The following MRTFA variants were observed in gnomAD, a reference collection of about 807,000 sequenced individuals.
MRTFA encodes the protein myocardin related transcription factor A, also known as myocardin-related transcription factor A.
MRTFA carries 20 observed loss-of-function variants against 83.5 expected under a neutral mutation model. The ratio of observed to expected loss-of-function variants is 0.24; its 90% CI spans 0.17 to 0.35. MRTFA has a LOEUF of 0.35. MRTFA is among the 10% of genes least tolerant of loss of function. The pLI is 1.00. For missense variants in MRTFA, 1,200 were observed against 1,224.7 expected (o/e 0.98, Z 0.30); for synonymous variants, 659 against 541.2 (o/e 1.22, Z -3.02).
In MRTFA at chr22:40,421,084, G is replaced by A. The variant is rs148143612; in HGVS notation, c.944C>T (p.Ser315Phe). The A allele has an allele frequency of 5.2e-6, 8 of 1,534,294 alleles. No individual in the cohort carries two copies. In the African/African-American group the frequency reaches 6.9e-5, roughly 13 times the overall value. Residue 315 changes from serine (S) to phenylalanine (F), a missense_variant, in exon 10 of 15, where the codon TCT (serine) becomes TTT (phenylalanine). Around this residue, in one of 2 missense-constraint regions of MRTFA, gnomAD observed 1,107 missense variants for 1,041.8 expected, o/e 1.06. Transcript: ENST00000355630. ...GCTGCGCTGTGACTTCTCACTGGCA[G>A]ACTTGGGTTGGCTTTGCTGAGGGCA...
At chr22:40,492,302 T>G (rs1294131253) in intron 3 of MRTFA, among the ~76,000 whole-genome samples, 1 of 152,186 alleles carries the variant, frequency 6.6e-6, no homozygotes, top group Non-Finnish European at 1.5e-5. Context: ...CAAGTTTACT[T>G]AGGGAGTGGG....
intron 1 of MRTFA, among the ~76,000 whole-genome samples, chr22:40,612,752 A>C (rs189717336): frequency 7.2e-5 from 11 of 152,314 alleles, no homozygotes; most frequent in African/African-American, 2.4e-4. Context: ...GTTTGATACC[A>C]GCCCGGACAA....
intron 1 of MRTFA, among the ~76,000 whole-genome samples, chr22:40,629,775 C>CA (rs766356425): frequency 0.049 from 1,861 of 37,932 alleles, 34 homozygotes; most frequent in African/African-American, 0.083. Context: ...GATTCCATCT[C>CA]AAAAAAAAAA....
intron 3 of MRTFA, among the ~76,000 whole-genome samples, chr22:40,547,317 C>A (rs1254963012): frequency 6.6e-6 from 1 of 151,320 alleles, no homozygotes; most frequent in African/African-American, 2.4e-5. Context: ...CACACATATA[C>A]ACACACACAC....
At chr22:40,465,160 A>G (rs1309891632) in intron 3 of MRTFA, among the ~76,000 whole-genome samples, 2 of 152,130 alleles carry the variant, frequency 1.3e-5, no homozygotes, top group Admixed American at 6.5e-5. Context: ...GCTACCTTTT[A>G]TATGTTAGGG....
At chr22:40,533,531 C>T in intron 3 of MRTFA, 1 of 1,070,400 alleles carries the variant, frequency 9.3e-7, no homozygotes, top group Non-Finnish European at 1.2e-6. Context: ...AAGCCTGTGG[C>T]AAATAAGATT....
chr22:40,411,327 A>G lies in MRTFA; in HGVS notation c.*63T>C. The G allele has an allele frequency of 1.4e-6, 2 of 1,478,526 alleles. No homozygotes were observed. The allele number at this position is 1,478,526 out of a possible 1,614,324, so 91.6% of individuals were successfully genotyped here. On this transcript the variant is annotated 3_prime_UTR_variant, in exon 15 of 15. Coordinates refer to ENST00000355630, the MANE Select transcript of MRTFA (RefSeq NM_020831.6). Reference sequence around the variant, plus strand: ...ATGTGGAGAGGCCGAATCACGCAGGAGAGCCACGCATTGGAGTACCCTGGC... The same window carrying G: ...ATGTGGAGAGGCCGAATCACGCAGGGGAGCCACGCATTGGAGTACCCTGGC...
chr22:40,614,675 C>T (rs1008906681), intron 1 of MRTFA, among the ~76,000 whole-genome samples: 3 of 152,006 alleles, frequency 2.0e-5, no homozygotes, highest in African/African-American at 4.8e-5. Context: ...TTAGTAGAGA[C>T]GAGGTTTCTC....
At chr22:40,557,482 G>A (rs190327477) in intron 2 of MRTFA, among the ~76,000 whole-genome samples, 1 of 152,270 alleles carries the variant, frequency 6.6e-6, no homozygotes, top group Admixed American at 6.5e-5. Context: ...ATAAAAGAGT[G>A]CCAGGTGGCC....
intron 2 of MRTFA, among the ~76,000 whole-genome samples, chr22:40,584,372 A>G (rs2055993585): frequency 6.6e-6 from 1 of 152,188 alleles, no homozygotes; most frequent in African/African-American, 2.4e-5. Context: ...TGCCTTTTCC[A>G]AAAGCCAATA....
intron 1 of MRTFA, among the ~76,000 whole-genome samples, chr22:40,604,298 T>C: frequency 6.6e-6 from 1 of 151,682 alleles, no homozygotes; most frequent in Non-Finnish European, 1.5e-5. Context: ...ACCTGACTAA[T>C]TTTTTGTATT....
At chr22:40,434,567 C>T (rs946068787) in intron 5 of MRTFA, among the ~76,000 whole-genome samples, 3 of 151,832 alleles carry the variant, frequency 2.0e-5, no homozygotes, top group African/African-American at 4.8e-5. Context: ...ACTAAAAATA[C>T]AAAAATTACC....
chr22:40,617,588 G>A (rs182708494), intron 1 of MRTFA, among the ~76,000 whole-genome samples: 49 of 152,026 alleles, frequency 3.2e-4, no homozygotes, highest in Non-Finnish European at 1.3e-4. Context: ...TTAGCCAGGC[G>A]TGGTGGCGGG....
chr22:40,523,021 C>T (rs1391596391), intron 3 of MRTFA: 2 of 151,834 alleles, frequency 1.3e-5, no homozygotes, highest in African/African-American at 4.8e-5. Context: ...CCTGTAAAAC[C>T]AAGGTTTGTT....
At chr22:40,559,545 T>C (rs1421774572) in intron 2 of MRTFA, among the ~76,000 whole-genome samples, 9 of 152,106 alleles carry the variant, frequency 5.9e-5, no homozygotes, top group Admixed American at 5.9e-4. Context: ...TAGCTAGGAC[T>C]ATAGGTGTGT....
chr22:40,539,339 AT>A (rs567459121), intron 3 of MRTFA, among the ~76,000 whole-genome samples: 13,067 of 129,448 alleles, frequency 0.1, 587 homozygotes, highest in East Asian at 0.22. Context: ...GTTATTAACA[AT>A]TTTTTTTTTT....
chr22:40,547,279 A>C (rs1327407443), intron 3 of MRTFA, among the ~76,000 whole-genome samples: 1 of 152,086 alleles, frequency 6.6e-6, no homozygotes, highest in East Asian at 1.9e-4. Flanking sequence ...ACTATTAAAG[A>C]GGAGAAAATA....
chr22:40,480,297 CA>C (rs1419352112), intron 3 of MRTFA, among the ~76,000 whole-genome samples: 1 of 150,814 alleles, frequency 6.6e-6, no homozygotes, highest in African/African-American at 2.4e-5. Context: ...TATGTTTTGT[CA>C]AGATGGGGTC....
At chr22:40,499,957 T>C (rs1361948459) in intron 3 of MRTFA, among the ~76,000 whole-genome samples, 1 of 133,846 alleles carries the variant, frequency 7.5e-6, no homozygotes, top group Non-Finnish European at 1.5e-5. Context: ...AGTCTCACTC[T>C]GTCCCCAAGG....
Sources: allele counts gnomAD v4.1 joint callset (sites outside exome capture counted in the v4.1 genomes callset), GRCh38; gene constraint gnomAD v4.1.1; regional missense constraint gnomAD v4.1.1; transcripts MANE v1.5; gene names NCBI Gene and HGNC (gene_info 2026-07-23, HGNC 2026-07-21).